The following ANKS6 variants were observed in gnomAD, a reference collection of about 807,000 sequenced individuals.
ANKS6 encodes the protein ankyrin repeat and sterile alpha motif domain containing 6.
A neutral mutation model predicts 77.9 loss-of-function variants in ANKS6; 47 were observed. The observed-to-expected ratio is 0.60, with a 90% CI of 0.48 to 0.77. ANKS6 has a LOEUF of 0.77. ANKS6 is among the 30% of genes least tolerant of loss of function. ANKS6 has a pLI of 0.00. For synonymous variants in ANKS6, 488 were observed against 501.7 expected (o/e 0.97, Z 0.37); for missense variants, 1,150 against 1,159.1 (o/e 0.99, Z 0.11).
At chr9:98,783,793 G>C (rs1042215023) in intron 4 of ANKS6, 160 bp downstream of exon 4, 6 of 547,302 alleles carry the variant, frequency 1.1e-5, no homozygotes, top group Non-Finnish European at 1.6e-5. Context: ...ACTAAAATGA[G>C]CCTGTGCCGC....
At chr9:98,789,815 C>A (rs1239979324) in intron 2 of ANKS6, 2 of 372,430 alleles carry the variant, frequency 5.4e-6, no homozygotes, top group Non-Finnish European at 9.5e-6. Context: ...TGTAGAAGGG[C>A]CCCAGAACCA....
intron 2 of ANKS6, among the ~76,000 whole-genome samples, chr9:98,788,448 G>T (rs1333983098): frequency 1.3e-5 from 2 of 152,300 alleles, no homozygotes; most frequent in South Asian, 4.1e-4. Context: ...CCTGGGAAGG[G>T]CAGATCCTTT....
chr9:98,766,734 G>C (rs1206343776), intron 11 of ANKS6, among the ~76,000 whole-genome samples: 1 of 152,232 alleles, frequency 6.6e-6, no homozygotes, highest in Admixed American at 6.5e-5. Flanking sequence ...AACAAAAAGA[G>C]TTGTGTAACC....
chr9:98,740,816 G>GA (rs577984809), intron 14 of ANKS6, among the ~76,000 whole-genome samples: 87 of 152,148 alleles, frequency 5.7e-4, no homozygotes, highest in African/African-American at 2.0e-3. Context: ...ATTAAATGTA[G>GA]AAAAAAGGTT....
intron 6 of ANKS6, 100 bp downstream of exon 6, chr9:98,780,089 C>T (rs926937800): frequency 3.9e-6 from 6 of 1,520,710 alleles, no homozygotes; most frequent in African/African-American, 2.7e-5. Context: ...TGCAGGGACT[C>T]CCTAGCATAA....
intron 10 of ANKS6, among the ~76,000 whole-genome samples, chr9:98,769,813 A>G (rs566715461): frequency 6.6e-6 from 1 of 152,336 alleles, no homozygotes; most frequent in East Asian, 1.9e-4. Flanking sequence ...TGAAGGAGAT[A>G]ATTCATTCGA....
In ANKS6 at chr9:98,766,670, A is replaced by G. The variant is rs143450899; in HGVS notation, c.2142+1411T>C. Reference sequence around the variant, plus strand: ...GTAGGGAGAAAATCTTTTTGGAGCTATACTGTGAAAGGAATCTAATTATAT... The same window carrying G: ...GTAGGGAGAAAATCTTTTTGGAGCTGTACTGTGAAAGGAATCTAATTATAT... On this transcript the variant is annotated intron_variant, in intron 11 of 14. Transcript: ENST00000353234. 3.1e-3 allele frequency among the ~76,000 whole-genome samples: 479 copies of G among 152,230 alleles called. 3 individuals are homozygous for G. Among genetic ancestry groups the G allele is most frequent in the African/African-American group, 0.011 (464 of 41,556 alleles).
intron 11 of ANKS6, among the ~76,000 whole-genome samples, chr9:98,765,794 T>C (rs1311303161): frequency 6.6e-6 from 1 of 152,232 alleles, no homozygotes. Flanking sequence ...CTAGATGCCA[T>C]GCCTTGTGGA....
chr9:98,736,611 G>T lies in ANKS6; in HGVS notation c.2524C>A (p.Gln842Lys). 2 of 1,610,166 alleles carry T rather than the reference G, an allele frequency of 1.2e-6. No homozygotes were observed. The highest frequency in any genetic ancestry group is 1.7e-6 in the Non-Finnish European group (2 of 1,178,066). ...ELNAGKGRER[Q>K]ILQETIHNFH... ...TTGTGAATGGTTTCCTGTAAAATTT[G>T]TCTCTCGCGTCCCTGTGGAGGAAAT... Residue 842 changes from glutamine (Q) to lysine (K), a missense_variant, in exon 15 of 15, where the codon CAA becomes AAA. By Grantham distance (53) the Gln-to-Lys change is moderately conservative (BLOSUM62 1). Coordinates refer to ENST00000353234, the MANE Select transcript of ANKS6 (RefSeq NM_173551.5).
rs1834798337 is a variant in ANKS6 at position 98,789,939 on chromosome 9, C to T, written c.862+165G>A. On this transcript the variant is annotated intron_variant, in intron 2 of 14. Coordinates refer to ENST00000353234, the MANE Select transcript of ANKS6 (RefSeq NM_173551.5). Reference sequence around the variant, plus strand: ...GAGTGGGCCCAGAACCTGCATGTCACAGGCAATCCCCCCGATACTTAAGCA... The same window carrying T: ...GAGTGGGCCCAGAACCTGCATGTCATAGGCAATCCCCCCGATACTTAAGCA... 7.4e-6 allele frequency: 8 copies of T among 1,079,234 alleles called. No homozygotes were observed. In the African/African-American group the frequency reaches 7.8e-5, roughly 11 times the overall value. 66.9% of individuals were successfully genotyped at this position (1,079,234 alleles called of 1,614,324 possible).
At position 98,791,708 on chromosome 9, in the gene ANKS6, C is replaced by T. The variant is rs1834912660; in HGVS notation, c.360-1102G>A. Among the ~76,000 whole-genome samples the T allele has an allele frequency of 6.6e-6, 1 of 152,184 alleles. No homozygotes were observed. The highest frequency in any genetic ancestry group is 2.4e-5 in the African/African-American group (1 of 41,450). ...GCAGCTTTCTGGGTTTCTCGATGCTCAGCCCTCCTTCCCGGGAGCCAGTTT... is the reference window on the plus strand; with the variant it reads ...GCAGCTTTCTGGGTTTCTCGATGCTTAGCCCTCCTTCCCGGGAGCCAGTTT... On this transcript the variant is annotated intron_variant, in intron 1 of 14. Transcript: ENST00000353234. The surrounding 1 kb of genome is among the most constrained non-coding windows in gnomAD (Gnocchi z 4.3).
chr9:98,732,621 T>A lies in ANKS6; in HGVS notation c.*3898A>T. 6.5e-7 allele frequency: 1 copy of A among 1,548,914 alleles called. No individual in the cohort carries two copies. Among genetic ancestry groups the A allele is most frequent in the Non-Finnish European group, 8.7e-7 (1 of 1,146,628 alleles). On this transcript the variant is annotated 3_prime_UTR_variant, in exon 15 of 15. Coordinates refer to ENST00000353234, the MANE Select transcript of ANKS6 (RefSeq NM_173551.5). The stretch of plus-strand genomic sequence containing the variant: ...TGAAAGGATTTAAAATGGGCAACCA[T>A]CTTTGAGGTTTCCCACATCTGCACC...
chr9:98,760,141 T>C (rs746681087), intron 11 of ANKS6, among the ~76,000 whole-genome samples: 5 of 152,102 alleles, frequency 3.3e-5, no homozygotes, highest in Non-Finnish European at 5.9e-5. Context: ...TTTAAAGATA[T>C]TACCATGCAT....
chr9:98,784,797 C>G, intron 3 of ANKS6, 35 bp downstream of exon 3: 2 of 1,594,236 alleles, frequency 1.3e-6, no homozygotes, highest in East Asian at 2.2e-5. Context: ...GCCCTATATT[C>G]TTAAATATCC....
intron 14 of ANKS6, among the ~76,000 whole-genome samples, chr9:98,743,993 C>A (rs367954144): frequency 2.0e-5 from 3 of 152,136 alleles, no homozygotes; most frequent in African/African-American, 7.2e-5. Flanking sequence ...ACCTGCCTTA[C>A]CCCCCTGCCC....
rs549116363 is a variant in ANKS6, at chr9:98,736,223, G to A, written c.*296C>T. On this transcript the variant is annotated 3_prime_UTR_variant, in exon 15 of 15. Transcript: ENST00000353234. ...GCCAGAAGCAAACTCTGAGGCTCCCGGGGAGGGCAGAGCACAGGATGAAAG... is the reference window on the plus strand; with the variant it reads ...GCCAGAAGCAAACTCTGAGGCTCCCAGGGAGGGCAGAGCACAGGATGAAAG... 1.4e-5 allele frequency: 17 copies of A among 1,205,602 alleles called. No individual in the cohort carries two copies. In the East Asian group the frequency reaches 2.2e-4, roughly 16 times the overall value. The allele number at this position is 1,205,602 out of a possible 1,614,324, so 74.7% of individuals were successfully genotyped here. A position where few individuals can be genotyped will look rare whatever the true frequency, so the allele number is the denominator to read the frequency against.
intron 14 of ANKS6, among the ~76,000 whole-genome samples, chr9:98,740,963 C>T (rs1831796145): frequency 6.6e-6 from 1 of 152,170 alleles, no homozygotes; most frequent in Non-Finnish European, 1.5e-5. Flanking sequence ...CTCTCACACA[C>T]TCACAGCTAG....
intron 11 of ANKS6, among the ~76,000 whole-genome samples, chr9:98,762,306 T>C (rs920919620): frequency 1.3e-5 from 2 of 152,226 alleles, no homozygotes; most frequent in African/African-American, 4.8e-5. Context: ...GACTCACTTA[T>C]TCATCCTAAG....
chr9:98,750,900 G>A (rs756600276), intron 13 of ANKS6, 129 bp downstream of exon 13: 5 of 715,166 alleles, frequency 7.0e-6, no homozygotes, highest in Middle Eastern at 3.8e-4. Context: ...CGCTAAGCAC[G>A]AATTCTATTT....
Sources: allele counts gnomAD v4.1 joint callset (sites outside exome capture counted in the v4.1 genomes callset), GRCh38; gene constraint gnomAD v4.1.1; non-coding constraint Gnocchi (gnomAD v3.1); transcripts MANE v1.5; gene names NCBI Gene and HGNC (gene_info 2026-07-23, HGNC 2026-07-21).